Variants in AMDHD1 observed in about 807,000 individuals in gnomAD.
AMDHD1 encodes probable imidazolonepropionase.
AMDHD1 carries 45 observed loss-of-function variants against 44.1 expected under a neutral mutation model. That is an observed-to-expected ratio of 1.02 (90% confidence interval 0.80 to 1.31). The LOEUF is 1.31. Ranked by LOEUF, AMDHD1 falls within the 50% of genes most tolerant of loss-of-function variation. AMDHD1 has a pLI of 0.00. For missense variants in AMDHD1, 586 were observed against 552.1 expected, an observed-to-expected ratio of 1.06 and a Z score of -0.61; for synonymous variants, 206 against 205.0, an observed-to-expected ratio of 1.00 and a Z score of -0.04.
chr12:95,944,998 G>A (rs146315054), intron 1 of AMDHD1, among the ~76,000 whole-genome samples: 1,698 of 152,202 alleles, frequency 0.011, 27 homozygotes, highest in African/African-American at 0.039. Context: ...GCCGGGCATG[G>A]CGGCGCACGT....
intron 2 of AMDHD1, among the ~76,000 whole-genome samples, chr12:95,953,770 AG>A (rs1005178936): frequency 1.1e-4 from 17 of 152,046 alleles, no homozygotes; most frequent in African/African-American, 4.1e-4. Flanking sequence ...TAGTAGCAAC[AG>A]GGTTTCACCA....
chr12:95,957,022 G>T lies in AMDHD1; in HGVS notation c.587+60G>T, dbSNP rs540818507. On this transcript the variant is annotated intron_variant, in intron 4 of 8. Coordinates refer to ENST00000266736, the MANE Select transcript of AMDHD1 (RefSeq NM_152435.3). ...AGAGCATTGAAAACGAACCCCGGGG[G>T]TGGAGGCGCATTAGCACTTTAGCTC... The T allele has an allele frequency of 2.1e-5, 33 of 1,594,310 alleles. No homozygotes were observed. In the South Asian group the frequency reaches 2.5e-4, roughly 12 times the overall value.
intron 3 of AMDHD1, 88 bp downstream of exon 3, chr12:95,955,063 C>T: frequency 2.5e-6 from 3 of 1,224,372 alleles, no homozygotes; most frequent in Non-Finnish European, 3.6e-6. Context: ...AGCTTTGCAA[C>T]ATATGTCAAC....
At chr12:95,961,307 G>C (rs2080580590) in intron 5 of AMDHD1, among the ~76,000 whole-genome samples, 1 of 152,070 alleles carries the variant, frequency 6.6e-6, no homozygotes, top group Non-Finnish European at 1.5e-5. Flanking sequence ...CATTTTAGTG[G>C]AGCACACCAA....
rs2080515070 is a variant in AMDHD1 at position 95,949,152 on chromosome 12, AAAAAAAAG to A, written c.138-3557_138-3550del. ...TAAAAAAATAAATTAAAAAAAAAAA[AAAAAAAAG>A]AAAAAAAAAAAAAAAAAAGAGACTG... On this transcript the variant is annotated intron_variant, in intron 1 of 8. Coordinates refer to ENST00000266736, the MANE Select transcript of AMDHD1 (RefSeq NM_152435.3). Among the ~76,000 whole-genome samples the A allele has an allele frequency of 2.1e-5, 3 of 146,158 alleles. 1 individual carries two copies. The highest frequency in any genetic ancestry group is 1.5e-5 in the Non-Finnish European group (1 of 66,100).
In AMDHD1 at chr12:95,955,311, G is replaced by A. The variant is rs544633176; in HGVS notation, c.309+336G>A. ...ATTGGAGTAAAGCTTGGAAAAATAT[G>A]TTACTAATCACAAAAATAAAATACC... On this transcript the variant is annotated intron_variant, in intron 3 of 8. Transcript: ENST00000266736. Among the ~76,000 whole-genome samples the A allele has an allele frequency of 1.2e-3, 189 of 152,214 alleles. 1 individual carries two copies. The highest frequency in any genetic ancestry group is 3.9e-3 in the African/African-American group (163 of 41,528).
chr12:95,966,732 C>T (rs75221805), intron 8 of AMDHD1, among the ~76,000 whole-genome samples: 8,555 of 152,258 alleles, frequency 0.056, 376 homozygotes, highest in South Asian at 0.19. Flanking sequence ...TGGTATTTTT[C>T]GTAGATTTCC....
At chr12:95,956,172 G>A (rs533420133) in intron 3 of AMDHD1, among the ~76,000 whole-genome samples, 4 of 152,104 alleles carry the variant, frequency 2.6e-5, no homozygotes, top group Non-Finnish European at 5.9e-5. Flanking sequence ...GCAGTGGTGC[G>A]ATCTCAGCTC....
In AMDHD1 at chr12:95,943,479, G is replaced by A; in HGVS notation, c.81G>A (p.Ala27=). Residue 27 remains alanine (A), a synonymous_variant, in exon 1 of 9, where the codon GCG becomes GCA. Coordinates refer to ENST00000266736, the MANE Select transcript of AMDHD1 (RefSeq NM_152435.3). ...GCGCCCGCGGCGAGCGCTTCCTGGC[G>A]CGGGATGCGCTGCGCAGCCTGGCGG... is the stretch of plus-strand genomic sequence containing the variant. ...LVCARGERFL[A]RDALRSLAVL... The A allele has an allele frequency of 6.7e-7, 1 of 1,502,678 alleles. No individual in the cohort carries two copies. Among genetic ancestry groups the A allele is most frequent in the Non-Finnish European group, 8.8e-7 (1 of 1,130,218 alleles). 93.1% of individuals were successfully genotyped at this position (1,502,678 alleles called of 1,614,324 possible).
At chr12:95,954,330 G>A (rs1243884584) in intron 2 of AMDHD1, among the ~76,000 whole-genome samples, 1 of 152,072 alleles carries the variant, frequency 6.6e-6, no homozygotes, top group Non-Finnish European at 1.5e-5. Flanking sequence ...AGCACTTTGG[G>A]AGGCTGAGTC....
At chr12:95,955,037 A>G in intron 3 of AMDHD1, 62 bp downstream of exon 3, 6 of 1,512,400 alleles carry the variant, frequency 4.0e-6, no homozygotes, top group Non-Finnish European at 5.5e-6. Context: ...TTTGCTGAAG[A>G]GTTAGTAGGC....
intron 4 of AMDHD1, among the ~76,000 whole-genome samples, chr12:95,958,898 A>C (rs2080565785): frequency 6.6e-6 from 1 of 152,136 alleles, no homozygotes; most frequent in South Asian, 2.1e-4. Context: ...TCTACTAAAA[A>C]TACAAAATTA....
In AMDHD1 at chr12:95,956,738, T is replaced by A. The variant is rs780936530; in HGVS notation, c.363T>A (p.Phe121Leu). The A allele has an allele frequency of 1.2e-5, 19 of 1,614,176 alleles. No homozygotes were observed. In the East Asian group the frequency reaches 4.2e-4, roughly 36 times the overall value. Residue 121 changes from phenylalanine to leucine, a missense_variant, in exon 4 of 9, where the codon TTT becomes TTA. Phe to Leu is a conservative substitution (Grantham distance 22). Transcript: ENST00000266736. ...EIHQAGGGIH[F>L]TVERTRQATE... is the part of the protein sequence containing the mutation. Reference sequence around the variant, plus strand: ...ACCAGGCCGGAGGAGGGATCCACTTTACCGTGGAGCGCACGCGCCAAGCCA... The same window carrying A: ...ACCAGGCCGGAGGAGGGATCCACTTAACCGTGGAGCGCACGCGCCAAGCCA...
chr12:95,943,820 A>C (rs1009634879), intron 1 of AMDHD1, among the ~76,000 whole-genome samples: 3 of 152,154 alleles, frequency 2.0e-5, no homozygotes, highest in Non-Finnish European at 4.4e-5. Context: ...GGTCCTCCCC[A>C]GTGCTTCTTA....
intron 1 of AMDHD1, among the ~76,000 whole-genome samples, chr12:95,948,390 T>C (rs1468629258): frequency 2.1e-4 from 10 of 48,302 alleles, no homozygotes; most frequent in African/African-American, 6.7e-4. Flanking sequence ...GCCCGGCCAG[T>C]GGCCCCGTCC....
chr12:95,944,148 A>C (rs1360409534), intron 1 of AMDHD1, among the ~76,000 whole-genome samples: 2 of 152,118 alleles, frequency 1.3e-5, no homozygotes, highest in African/African-American at 4.8e-5. Flanking sequence ...GAATAAAAGA[A>C]CAAAGTTTGA....
chr12:95,958,222 T>A (rs188989788), intron 4 of AMDHD1, among the ~76,000 whole-genome samples: 7 of 152,250 alleles, frequency 4.6e-5, no homozygotes, highest in African/African-American at 1.4e-4. Flanking sequence ...ATCTATTTTT[T>A]AACAATTTTT....
intron 1 of AMDHD1, among the ~76,000 whole-genome samples, chr12:95,945,232 A>G (rs1352905445): frequency 2.0e-5 from 3 of 152,160 alleles, no homozygotes; most frequent in Non-Finnish European, 2.9e-5. Context: ...AAAACCACAA[A>G]AAGTAGGGAA....
chr12:95,966,326 C>T, intron 7 of AMDHD1, 22 bp from the exon 8 acceptor site: 1 of 1,612,136 alleles, frequency 6.2e-7, no homozygotes, highest in South Asian at 1.1e-5. Flanking sequence ...TTTCCTCCAA[C>T]ACTTTTCTCT....
Sources: allele counts gnomAD v4.1 joint callset (sites outside exome capture counted in the v4.1 genomes callset), GRCh38; gene constraint gnomAD v4.1.1; transcripts MANE v1.5; gene names NCBI Gene and HGNC (gene_info 2026-07-23, HGNC 2026-07-21).